The following PTCD3 variants were observed in gnomAD, a reference collection of about 807,000 sequenced individuals.
PTCD3 encodes the protein small ribosomal subunit protein mS39.
PTCD3 carries 89 observed loss-of-function variants against 101.9 expected under a neutral mutation model. The ratio of observed to expected loss-of-function variants is 0.87; its 90% CI spans 0.74 to 1.04. PTCD3 has a LOEUF of 1.04. Among genes scored for constraint, PTCD3 ranks in the 50% least tolerant of loss-of-function variants. The probability of loss-of-function intolerance (pLI) is 0.00; values close to 1 mark genes in which losing one functional copy is unlikely to be tolerated. For missense variants in PTCD3, 870 were observed against 828.2 expected, an observed-to-expected ratio of 1.05 and a Z score of -0.62; for synonymous variants, 296 against 278.5, an observed-to-expected ratio of 1.06 and a Z score of -0.63.
intron 19 of PTCD3, 65 bp from the exon 20 acceptor site, chr2:86,134,227 C>G (rs1674539677): frequency 3.3e-6 from 4 of 1,217,166 alleles, no homozygotes; most frequent in Non-Finnish European, 4.8e-6. Flanking sequence ...AATAGGTTGA[C>G]AGTGAACAAA....
chr2:86,127,228 A>G lies in PTCD3; in HGVS notation c.1019A>G (p.Lys340Arg), dbSNP rs555565602. The G allele has an allele frequency of 1.9e-5, 30 of 1,613,966 alleles. No homozygotes were observed. The East Asian group carries it at 6.2e-4, about 34-fold the overall frequency. ...CTTCAGACTTTTAATACCATTCTGA[A>G]ATGTCTCCGAAGATTTCATGTGTTT... ...PNLQTFNTIL[K>R]CLRRFHVFAR... is the part of the protein sequence containing the mutation. The change falls in exon 13 of 24, where the codon AAA becomes AGA. Residue 340 changes from lysine (K) to arginine (R), a missense_variant. Coordinates refer to ENST00000254630, the MANE Select transcript of PTCD3 (RefSeq NM_017952.6).
At chr2:86,136,383 C>G in intron 21 of PTCD3, 138 bp from the exon 22 acceptor site, 1 of 812,048 alleles carries the variant, frequency 1.2e-6, no homozygotes, top group Non-Finnish European at 2.0e-6. Context: ...GTAGAGCCCA[C>G]AGATGTGTGT....
Position 86,130,753 on chromosome 2 carries a change from A to C in PTCD3, c.1237+16A>C. On this transcript the variant is annotated intron_variant, in intron 15 of 23. Transcript: ENST00000254630. The stretch of plus-strand genomic sequence containing the variant: ...CCGGATGATGGCATGTATAGAAATC[A>C]CTTGTGTTTTCCTCCTCTAAAGACA... 1 of 1,612,214 alleles carries C rather than the reference A, an allele frequency of 6.2e-7. No individual in the cohort carries two copies. Among genetic ancestry groups the C allele is most frequent in the Non-Finnish European group, 8.5e-7 (1 of 1,179,154 alleles).
At chr2:86,136,062 G>T (rs896360515) in intron 21 of PTCD3, 2 of 517,720 alleles carry the variant, frequency 3.9e-6, no homozygotes, top group Admixed American at 2.0e-5. Context: ...TTAAGAGAGG[G>T]AAACAGCAGG....
Position 86,121,480 on chromosome 2 carries a change from A to T in PTCD3, c.540A>T (p.Gly180=), listed in dbSNP as rs1481313528. The change falls in exon 8 of 24, where the codon GGA becomes GGT. Residue 180 remains glycine (G), a splice_region_variant and synonymous_variant. Coordinates refer to ENST00000254630, the MANE Select transcript of PTCD3 (RefSeq NM_017952.6). ...VDMFDQLLQA[G]TTVSLETTNS... ...TATCTTTCTGTCTCTTACCCACAGG[A>T]ACCACTGTGTCTCTTGAAACAACAA... The T allele has an allele frequency of 6.3e-7, 1 of 1,585,724 alleles. No homozygotes were observed. Among genetic ancestry groups the T allele is most frequent in the East Asian group, 2.2e-5 (1 of 44,682 alleles).
chr2:86,134,858 A>G lies in PTCD3; in HGVS notation c.1649A>G (p.Asp550Gly), dbSNP rs1674554657. 1 of 1,613,988 alleles carries G rather than the reference A, an allele frequency of 6.2e-7. No individual in the cohort carries two copies. Among genetic ancestry groups the G allele is most frequent in the African/African-American group, 1.3e-5 (1 of 74,912 alleles). ...HPPELQVAFA[D>G]CAADIKSAYE... ...TCTCAGCTTCAGGTGGCATTTGCTG[A>G]CTGTGCTGCTGATATCAAATCTGCG... is the stretch of plus-strand genomic sequence containing the variant. Residue 550 changes from aspartate to glycine, a missense_variant, in exon 21 of 24, where the codon GAC (aspartate) becomes GGC (glycine). Physicochemically the swap from Asp to Gly is moderately conservative, Grantham distance 94. Transcript: ENST00000254630.
chr2:86,119,104 T>C (rs937485543), intron 7 of PTCD3, 60 bp downstream of exon 7: 3 of 1,576,410 alleles, frequency 1.9e-6, no homozygotes, highest in Admixed American at 1.9e-5. Flanking sequence ...GCCCAAGTTA[T>C]ATGATTCATA....
chr2:86,126,920 A>G (rs1476453340), intron 12 of PTCD3, among the ~76,000 whole-genome samples: 1 of 151,944 alleles, frequency 6.6e-6, no homozygotes, highest in Non-Finnish European at 1.5e-5. Flanking sequence ...TCTCCTAGGT[A>G]GAAGACTGAA....
chr2:86,127,012 A>AT, intron 12 of PTCD3, 149 bp from the exon 13 acceptor site: 1 of 646,802 alleles, frequency 1.5e-6, no homozygotes, highest in Non-Finnish European at 2.5e-6. Context: ...GAACCTGCTA[A>AT]TTAATAAACA....
At chr2:86,130,801 C>T in intron 15 of PTCD3, 64 bp downstream of exon 15, 1 of 1,581,760 alleles carries the variant, frequency 6.3e-7, no homozygotes, top group Non-Finnish European at 8.6e-7. Flanking sequence ...ACCTGAGTAC[C>T]AGTTAGAGGC....
intron 13 of PTCD3, 123 bp downstream of exon 13, chr2:86,127,428 C>T: frequency 8.5e-7 from 1 of 1,181,188 alleles, no homozygotes; most frequent in Non-Finnish European, 1.2e-6. Flanking sequence ...AATTTTCTTT[C>T]CATGTTTGGC....
intron 20 of PTCD3, among the ~76,000 whole-genome samples, 182 bp downstream of exon 20, chr2:86,134,559 G>A (rs1674549280): frequency 6.6e-6 from 1 of 152,154 alleles, no homozygotes; most frequent in African/African-American, 2.4e-5. Flanking sequence ...CCTCTTTCCT[G>A]TAGTCCAAAG....
rs1235335431 is a variant in PTCD3 at position 86,139,565 on chromosome 2, A to C, written c.*2006A>C. ...GCTCATGCCTGTAATCCCAGCACTT[A>C]GGGTGCCAATGTGGATTACCTGAGC... On this transcript the variant is annotated 3_prime_UTR_variant, in exon 24 of 24. Transcript: ENST00000254630. The C allele has an allele frequency of 6.6e-6, 1 of 152,310 alleles. No individual in the cohort carries two copies. Among genetic ancestry groups the C allele is most frequent in the Non-Finnish European group, 1.5e-5 (1 of 68,210 alleles). 9.4% of individuals were successfully genotyped at this position (152,310 alleles called of 1,614,324 possible).
At chr2:86,133,152 A>G in intron 17 of PTCD3, 26 bp from the exon 18 acceptor site, 1 of 1,610,320 alleles carries the variant, frequency 6.2e-7, no homozygotes. Context: ...ACTTTAGACT[A>G]AACATACTTT....
At chr2:86,108,733 G>A (rs1674015324) in intron 3 of PTCD3, 197 bp downstream of exon 3, 1 of 475,526 alleles carries the variant, frequency 2.1e-6, no homozygotes, top group Non-Finnish European at 3.8e-6. Context: ...TGAGCAATGA[G>A]ATTTACTTAA....
intron 6 of PTCD3, 60 bp from the exon 7 acceptor site, chr2:86,118,861 C>G (rs1298860601): frequency 1.3e-6 from 2 of 1,556,636 alleles, no homozygotes; most frequent in African/African-American, 2.8e-5. Flanking sequence ...TTGTCCTACT[C>G]AGTTATCCTT....
intron 21 of PTCD3, 139 bp from the exon 22 acceptor site, chr2:86,136,381 CA>C: frequency 1.2e-6 from 1 of 809,066 alleles, no homozygotes; most frequent in Non-Finnish European, 2.0e-6. Flanking sequence ...TAGTAGAGCC[CA>C]CAGATGTGTG....
Position 86,127,217 on chromosome 2 carries a change from T to A in PTCD3, c.1008T>A (p.Asn336Lys). The change falls in exon 13 of 24, where the codon AAT (asparagine) becomes AAA (lysine). Residue 336 changes from asparagine to lysine, a missense_variant. Asn to Lys is a moderately conservative substitution (Grantham distance 94, BLOSUM62 0). Coordinates refer to ENST00000254630, the MANE Select transcript of PTCD3 (RefSeq NM_017952.6). ...QKVKPNLQTF[N>K]TILKCLRRFH... Reference sequence around the variant, plus strand: ...TGAAACCAAATCTTCAGACTTTTAATACCATTCTGAAATGTCTCCGAAGAT... The same window carrying A: ...TGAAACCAAATCTTCAGACTTTTAAAACCATTCTGAAATGTCTCCGAAGAT... 1 of 1,613,706 alleles carries A rather than the reference T, an allele frequency of 6.2e-7. No homozygotes were observed. The highest frequency in any genetic ancestry group is 1.3e-5 in the African/African-American group (1 of 75,048).
chr2:86,135,677 T>C (rs1674572410), intron 21 of PTCD3, among the ~76,000 whole-genome samples: 1 of 152,212 alleles, frequency 6.6e-6, no homozygotes, highest in African/African-American at 2.4e-5. Flanking sequence ...TGTGCATGGC[T>C]CCTTGTACAA....
Sources: gnomAD v4.1 joint callset for allele counts (sites outside exome capture counted in the v4.1 genomes callset) on GRCh38, gnomAD v4.1.1 for gene constraint, MANE v1.5 for transcripts, NCBI Gene and HGNC (gene_info 2026-07-23, HGNC 2026-07-21) for gene names.